EPX: variants seen among roughly 807,000 people sequenced by gnomAD.
EPX encodes eosinophil peroxidase.
In EPX, 60 loss-of-function variants were observed where a neutral mutation model predicts 73.0. That is an observed-to-expected ratio of 0.82 (90% CI 0.67 to 1.02). The LOEUF is 1.02. Among genes scored for constraint, EPX ranks in the 50% least tolerant of loss-of-function variants. The pLI, the probability that EPX is intolerant of heterozygous loss-of-function variation, is 0.00. For missense variants in EPX, 950 were observed against 973.9 expected, an observed-to-expected ratio of 0.98 and a Z score of 0.33; for synonymous variants, 347 against 389.2, an observed-to-expected ratio of 0.89 and a Z score of 1.28.
In EPX at chr17:58,192,760, T is replaced by A. The variant is rs12602891; in HGVS notation, c.-87T>A. 3.5e-6 allele frequency: 4 copies of A among 1,136,922 alleles called. No individual in the cohort carries two copies. Among genetic ancestry groups the A allele is most frequent in the Non-Finnish European group, 5.2e-6 (4 of 770,484 alleles). The allele number at this position is 1,136,922 out of a possible 1,614,324, so 70.4% of individuals were successfully genotyped here. ...GAGGAAGTGAGAGGTCGGCTGGGGG[T>A]CCTCAAAGTGAGAGGGGAGCAGAGG... On this transcript the variant is annotated 5_prime_UTR_variant, in exon 1 of 13. Coordinates refer to ENST00000225371, the MANE Select transcript of EPX (RefSeq NM_000502.6).
In EPX at chr17:58,197,047, G is replaced by C. The variant is rs756362103; in HGVS notation, c.910G>C (p.Ala304Pro). 6.2e-7 allele frequency: 1 copy of C among 1,614,008 alleles called. No individual in the cohort carries two copies. Among genetic ancestry groups the C allele is most frequent in the Non-Finnish European group, 8.5e-7 (1 of 1,180,040 alleles). Residue 304 changes from alanine (A) to proline (P), a missense_variant, in exon 7 of 13, where the codon GCG becomes CCG. Transcript: ENST00000225371. ...NKNRVRNQIN[A>P]LTSFVDASMV... ...GAACAGAGTCCGCAACCAGATCAAC[G>C]CGCTCACCTCCTTTGTGGACGCCAG...
rs1345671758 is a variant in EPX at position 58,196,930 on chromosome 17, C to A, written c.802-9C>A. ...GGGCCCCATGTCACTGTCTCCTCTT[C>A]CATCTCAGATCCCACCCAATGACCC... On this transcript the variant is annotated splice_polypyrimidine_tract_variant and intron_variant, in intron 6 of 12. Coordinates refer to ENST00000225371, the MANE Select transcript of EPX (RefSeq NM_000502.6). 1 of 1,612,416 alleles carries A rather than the reference C, an allele frequency of 6.2e-7. No individual in the cohort carries two copies. The highest frequency in any genetic ancestry group is 8.5e-7 in the Non-Finnish European group (1 of 1,179,444).
rs1017511073 is a variant in EPX, at chr17:58,193,397, C to T, written c.197C>T (p.Ser66Leu). The change falls in exon 3 of 13, where the codon TCA (serine) becomes TTA (leucine). Residue 66 changes from serine to leucine, a missense_variant. Transcript: ENST00000225371. ...ATCAAGCAGCGGCTTCGCAGCGGTT[C>T]AGCCAGCCCCATGGACCTCCTGTCC... Reference protein sequence around the residue: ...KSIKQRLRSGSASPMDLLSYF... With the variant: ...KSIKQRLRSGLASPMDLLSYF... 6.2e-7 allele frequency: 1 copy of T among 1,614,210 alleles called. No individual in the cohort carries two copies. Among genetic ancestry groups the T allele is most frequent in the Non-Finnish European group, 8.5e-7 (1 of 1,180,026 alleles).
chr17:58,193,338 C>G (rs1377835009), intron 2 of EPX, 33 bp from the exon 3 acceptor site: 9 of 1,612,248 alleles, frequency 5.6e-6, no homozygotes, highest in Admixed American at 5.0e-5. Context: ...TCTGCACCCT[C>G]TCTCCAGCCC....
intron 8 of EPX, 137 bp from the exon 9 acceptor site, chr17:58,199,402 C>A: frequency 8.6e-7 from 1 of 1,160,792 alleles, no homozygotes; most frequent in Non-Finnish European, 1.3e-6. Context: ...GGCTTTGTAT[C>A]TCCACCCACC....
In EPX at chr17:58,196,955, C is replaced by G; in HGVS notation, c.818C>G (p.Pro273Arg). 6.2e-7 allele frequency: 1 copy of G among 1,613,922 alleles called. No individual in the cohort carries two copies. Among genetic ancestry groups the G allele is most frequent in the Non-Finnish European group, 8.5e-7 (1 of 1,179,992 alleles). ...CFPIKIPPND[P>R]RIKNQRDCIP... ...CCATCTCAGATCCCACCCAATGACC[C>G]CCGCATCAAGAACCAGCGTGACTGC... Residue 273 changes from proline (P) to arginine (R), a missense_variant, in exon 7 of 13, where the codon CCC (proline) becomes CGC (arginine). Transcript: ENST00000225371.
rs770545704 is a variant in EPX, at chr17:58,199,166, A to G, written c.1247A>G (p.Asn416Ser). The G allele has an allele frequency of 1.2e-6, 2 of 1,614,014 alleles. No homozygotes were observed. Among genetic ancestry groups the G allele is most frequent in the African/African-American group, 1.3e-5 (1 of 74,928 alleles). Residue 416 changes from asparagine to serine, a missense_variant, in exon 8 of 13, where the codon AAT becomes AGT. By Grantham distance (46) the Asn-to-Ser change is conservative (BLOSUM62 1). Transcript: ENST00000225371. The stretch of plus-strand genomic sequence containing the variant: ...CGGTGGAATGGAGACAAACTGTACA[A>G]TGAGGCTCGGAAGATCATGGGGGCC... ...NPRWNGDKLY[N>S]EARKIMGAMV...
At chr17:58,202,638 T>A (rs1324226893) in intron 10 of EPX, 1 of 273,018 alleles carries the variant, frequency 3.7e-6, no homozygotes, top group African/African-American at 2.2e-5. Context: ...CGTCCTTTTC[T>A]GAGTAGATGA....
At position 58,193,129 on chromosome 17, in the gene EPX, G is replaced by C; in HGVS notation, c.168G>C (p.Lys56Asn). The part of the protein sequence containing the change: ...LVDAAYNWTQ[K>N]SIKQRLRSGS... The stretch of plus-strand genomic sequence containing the variant: ...ATGCTGCCTACAATTGGACCCAGAA[G>C]AGGTGGACTTGGGTCTGGGGGCTGC... The change falls in exon 2 of 13, where the codon AAG becomes AAC. Residue 56 changes from lysine (K) to asparagine (N), a missense_variant and splice_region_variant. Lys to Asn is a moderately conservative substitution (Grantham distance 94). Coordinates refer to ENST00000225371, the MANE Select transcript of EPX (RefSeq NM_000502.6). The C allele has an allele frequency of 6.2e-7, 1 of 1,605,678 alleles. No homozygotes were observed. The highest frequency in any genetic ancestry group is 8.5e-7 in the Non-Finnish European group (1 of 1,172,234).
intron 10 of EPX, among the ~76,000 whole-genome samples, chr17:58,200,878 T>A (rs1378908065): frequency 6.6e-6 from 1 of 152,176 alleles, no homozygotes; most frequent in Non-Finnish European, 1.5e-5. Context: ...AGGGCACAAA[T>A]GACTTTATCC....
In EPX at chr17:58,195,198, C is replaced by A. The variant is rs748555057; in HGVS notation, c.801+28C>A. 1.9e-5 allele frequency: 30 copies of A among 1,578,368 alleles called. No individual in the cohort carries two copies. In the Admixed American group the frequency reaches 4.5e-4, roughly 24 times the overall value. ...ACCTACCCTCAGCCAATCTCCCATGCCCTTGTGTGGCCTCCCCCAAAGGCA... is the reference window on the plus strand; with the variant it reads ...ACCTACCCTCAGCCAATCTCCCATGACCTTGTGTGGCCTCCCCCAAAGGCA... On this transcript the variant is annotated intron_variant, in intron 6 of 12. Coordinates refer to ENST00000225371, the MANE Select transcript of EPX (RefSeq NM_000502.6).
At chr17:58,200,544 C>A in intron 10 of EPX, 149 bp downstream of exon 10, 1 of 806,010 alleles carries the variant, frequency 1.2e-6, no homozygotes, top group Non-Finnish European at 2.1e-6. Flanking sequence ...GTCGATGTCC[C>A]AAAGCACTCC....
chr17:58,199,327 G>C (rs1968305924), intron 8 of EPX, 127 bp downstream of exon 8: 1 of 1,166,516 alleles, frequency 8.6e-7, no homozygotes, highest in East Asian at 2.5e-5. Flanking sequence ...ACCTGGACCT[G>C]TCCTCTGGCC....
chr17:58,197,068 G>A lies in EPX; in HGVS notation c.931G>A (p.Ala311Thr), dbSNP rs774394917. The change falls in exon 7 of 13, where the codon GCC becomes ACC. Residue 311 changes from alanine (A) to threonine (T), a missense_variant. Ala to Thr is a moderately conservative substitution (Grantham distance 58). Transcript: ENST00000225371. ...QINALTSFVD[A>T]SMVYGSEVSL... The stretch of plus-strand genomic sequence containing the variant: ...CAACGCGCTCACCTCCTTTGTGGAC[G>A]CCAGCATGGTGTATGGCAGTGAGGT... The A allele has an allele frequency of 6.8e-6, 11 of 1,614,048 alleles. No homozygotes were observed. The highest frequency in any genetic ancestry group is 1.1e-5 in the South Asian group (1 of 91,082).
intron 9 of EPX, 90 bp from the exon 10 acceptor site, chr17:58,200,135 C>T: frequency 7.8e-7 from 1 of 1,288,182 alleles, no homozygotes; most frequent in Non-Finnish European, 1.1e-6. Flanking sequence ...CTGGCTTGTC[C>T]AGCTCTGGGC....
At chr17:58,193,876 T>C in intron 4 of EPX, 45 bp downstream of exon 4, 1 of 1,601,238 alleles carries the variant, frequency 6.2e-7, no homozygotes, top group Non-Finnish European at 8.6e-7. Flanking sequence ...CTGGGGGACC[T>C]CTCCCTTCCT....
rs747487229 is a variant in EPX, at chr17:58,203,141, G to C, written c.1769G>C (p.Ser590Thr). 4 of 1,614,106 alleles carry C rather than the reference G, an allele frequency of 2.5e-6. No individual in the cohort carries two copies. In the African/African-American group the frequency reaches 5.3e-5, roughly 22 times the overall value. The change falls in exon 11 of 13, where the codon AGC (serine) becomes ACC (threonine). Residue 590 changes from serine to threonine, a missense_variant. Coordinates refer to ENST00000225371, the MANE Select transcript of EPX (RefSeq NM_000502.6). The part of the protein sequence containing the change: ...LSQPRNLAQL[S>T]RVLKNQDLAR... Reference sequence around the variant, plus strand: ...CAGCCCCGGAATTTGGCACAGCTTAGCCGGGTGCTGAAAAACCAGGACTTG... The same window carrying C: ...CAGCCCCGGAATTTGGCACAGCTTACCCGGGTGCTGAAAAACCAGGACTTG...
chr17:58,203,868 C>A (rs1294768856), intron 11 of EPX, among the ~76,000 whole-genome samples: 1 of 124,300 alleles, frequency 8.0e-6, no homozygotes, highest in Admixed American at 1.0e-4. Flanking sequence ...GGAGGCGGAG[C>A]TTGCAGTGAG....
chr17:58,196,674 T>G (rs1157624492), intron 6 of EPX, among the ~76,000 whole-genome samples: 1 of 152,154 alleles, frequency 6.6e-6, no homozygotes, highest in African/African-American at 2.4e-5. Flanking sequence ...TCACTTCCCC[T>G]CTCTGAGGCT....
Sources: gnomAD v4.1 joint callset for allele counts (sites outside exome capture counted in the v4.1 genomes callset) on GRCh38, gnomAD v4.1.1 for gene constraint, MANE v1.5 for transcripts, NCBI Gene and HGNC (gene_info 2026-07-23, HGNC 2026-07-21) for gene names.